Variants in FAT3 observed in about 807,000 individuals in gnomAD.
The protein encoded by FAT3 is FAT atypical cadherin 3, also known as protocadherin Fat 3.
Under a neutral mutation model 310.2 loss-of-function variants are expected in FAT3, and 95 were observed. That is an observed-to-expected ratio of 0.31 (90% confidence interval 0.26 to 0.36). The LOEUF is 0.36. FAT3 is among the 10% of genes least tolerant of loss of function. The pLI, the probability that FAT3 is intolerant of heterozygous loss-of-function variation, is 1.00. For missense variants in FAT3, 5,408 were observed against 5,715.6 expected (o/e 0.95, Z 1.74); for synonymous variants, 2,314 against 2,192.9 (o/e 1.06, Z -1.54).
rs569829578 is a variant in FAT3 at position 92,591,790 on chromosome 11, A to G, written c.3607+66842A>G. Among the ~76,000 whole-genome samples the G allele has an allele frequency of 4.6e-5, 7 of 152,304 alleles. No individual in the cohort carries two copies. In the South Asian group the frequency reaches 1.2e-3, roughly 27 times the overall value. On this transcript the variant is annotated intron_variant, in intron 3 of 27. Coordinates refer to ENST00000525166, the MANE Select transcript of FAT3 (RefSeq NM_001367949.2). Reference sequence around the variant, plus strand: ...ATAGCAAGAATCTAGCTTTTGACATACGAATTGTTGCAAAGAAAAATGAAC... The same window carrying G: ...ATAGCAAGAATCTAGCTTTTGACATGCGAATTGTTGCAAAGAAAAATGAAC...
chr11:92,881,827 A>T (rs1949675933), intron 23 of FAT3, among the ~76,000 whole-genome samples: 1 of 152,234 alleles, frequency 6.6e-6, no homozygotes, highest in Non-Finnish European at 1.5e-5. Flanking sequence ...TGCTTTAAAG[A>T]GAATAAAATT....
At chr11:92,377,971 GT>G (rs1245980354) in intron 2 of FAT3, among the ~76,000 whole-genome samples, 2 of 152,112 alleles carry the variant, frequency 1.3e-5, no homozygotes, top group African/African-American at 4.8e-5. Context: ...AATAATGTAT[GT>G]TTTGATGAAC....
At chr11:92,779,702 T>C (rs1156635651) in intron 7 of FAT3, among the ~76,000 whole-genome samples, 1 of 152,206 alleles carries the variant, frequency 6.6e-6, no homozygotes, top group Admixed American at 6.5e-5. Context: ...TTATGTTACA[T>C]GGCAAATGGG....
At chr11:92,672,419 A>G (rs1013538092) in intron 3 of FAT3, among the ~76,000 whole-genome samples, 2 of 152,146 alleles carry the variant, frequency 1.3e-5, no homozygotes, top group Non-Finnish European at 2.9e-5. Context: ...AGACATTGAA[A>G]ATGTTGAAGT....
At chr11:92,640,303 A>C (rs2135725891) in intron 3 of FAT3, among the ~76,000 whole-genome samples, 1 of 152,214 alleles carries the variant, frequency 6.6e-6, no homozygotes, top group East Asian at 1.9e-4. Context: ...TGTGAGAACC[A>C]CCAGCCAGGG....
intron 2 of FAT3, among the ~76,000 whole-genome samples, chr11:92,359,085 CG>C (rs1411830242): frequency 1.3e-5 from 2 of 152,100 alleles, no homozygotes; most frequent in Non-Finnish European, 2.9e-5. Flanking sequence ...TCCCAATTAT[CG>C]TCATTCAGTA....
chr11:92,277,615 A>G (rs1565196184), intron 1 of FAT3, among the ~76,000 whole-genome samples: 1 of 152,132 alleles, frequency 6.6e-6, no homozygotes, highest in Non-Finnish European at 1.5e-5. Context: ...GTAAAAAACC[A>G]AATACGGAAT....
At chr11:92,500,222 A>T (rs1453557279) in intron 2 of FAT3, among the ~76,000 whole-genome samples, 2 of 152,026 alleles carry the variant, frequency 1.3e-5, no homozygotes, top group African/African-American at 4.8e-5. Context: ...CCCTTTAAGG[A>T]TGAATTCCAA....
intron 2 of FAT3, among the ~76,000 whole-genome samples, chr11:92,477,394 A>T (rs1476744068): frequency 6.6e-6 from 1 of 152,234 alleles, no homozygotes; most frequent in Admixed American, 6.5e-5. Flanking sequence ...GTACAAAATG[A>T]TATATGCAAT....
chr11:92,549,468 C>T (rs187104748), intron 3 of FAT3, among the ~76,000 whole-genome samples: 4 of 152,278 alleles, frequency 2.6e-5, no homozygotes, highest in Admixed American at 1.3e-4. Flanking sequence ...CTCTCCTCTT[C>T]GGTTACATGG....
chr11:92,361,249 G>A (rs114060374), intron 2 of FAT3, among the ~76,000 whole-genome samples: 2,520 of 152,216 alleles, frequency 0.017, 82 homozygotes, highest in African/African-American at 0.057. Context: ...GCCTCTTAAA[G>A]TATCTATTCA....
Position 92,438,409 on chromosome 11 carries a change from T to C in FAT3, c.3292+83005T>C, listed in dbSNP as rs376979307. On this transcript the variant is annotated intron_variant, in intron 2 of 27. Coordinates refer to ENST00000525166, the MANE Select transcript of FAT3 (RefSeq NM_001367949.2). ...TAAACAATAGTTATCCTTGGGTGGT[T>C]GTGTCACAGAGGATTCTTTTTATTG... Among the ~76,000 whole-genome samples the C allele has an allele frequency of 2.0e-5, 3 of 152,334 alleles. No homozygotes were observed. In the East Asian group the frequency reaches 5.8e-4, roughly 29 times the overall value.
intron 4 of FAT3, among the ~76,000 whole-genome samples, chr11:92,701,910 T>C (rs968280056): frequency 7.2e-5 from 11 of 152,152 alleles, no homozygotes; most frequent in African/African-American, 2.7e-4. Flanking sequence ...TCTTTCCTTG[T>C]TTTTTACCTA....
chr11:92,358,332 C>T (rs1208705141), intron 2 of FAT3, among the ~76,000 whole-genome samples: 1 of 152,196 alleles, frequency 6.6e-6, no homozygotes, highest in Admixed American at 6.6e-5. Flanking sequence ...TATAAGGTCA[C>T]ATAGGCTTTA....
chr11:92,532,784 T>G (rs1954125001), intron 3 of FAT3, among the ~76,000 whole-genome samples: 1 of 152,188 alleles, frequency 6.6e-6, no homozygotes, highest in Admixed American at 6.5e-5. Context: ...CTGTTCCTGC[T>G]TAATGCCAGC....
intron 1 of FAT3, among the ~76,000 whole-genome samples, chr11:92,341,086 G>A (rs886095806): frequency 2.6e-5 from 4 of 152,352 alleles, no homozygotes; most frequent in Non-Finnish European, 5.9e-5. Context: ...CCTTGGGATA[G>A]TAACCCTGTC....
chr11:92,706,592 T>C lies in FAT3; in HGVS notation c.3669+9147T>C, dbSNP rs138901936. Among the ~76,000 whole-genome samples, 214 of 152,290 alleles carry C rather than the reference T, an allele frequency of 1.4e-3. 1 individual carries two copies. The highest frequency in any genetic ancestry group is 5.0e-3 in the African/African-American group (206 of 41,552). On this transcript the variant is annotated intron_variant, in intron 4 of 27. Coordinates refer to ENST00000525166, the MANE Select transcript of FAT3 (RefSeq NM_001367949.2). ...TCTATATTACATGTTGACAACTCCA[T>C]CATTTTTTTTAAAACACTGTCAGCC...
Position 92,678,730 on chromosome 11 carries a change from A to G in FAT3, c.3608-18654A>G, listed in dbSNP as rs538644743. Among the ~76,000 whole-genome samples, 28 of 152,314 alleles carry G rather than the reference A, an allele frequency of 1.8e-4. 3 individuals are homozygous for G. The South Asian group carries it at 5.8e-3, about 32-fold the overall frequency. ...ATTCCAAGCTCTCCATGTTCAATTAATAATTTAATTGCTTAGTAATTTACA... is the reference window on the plus strand; with the variant it reads ...ATTCCAAGCTCTCCATGTTCAATTAGTAATTTAATTGCTTAGTAATTTACA... On this transcript the variant is annotated intron_variant, in intron 3 of 27. Coordinates refer to ENST00000525166, the MANE Select transcript of FAT3 (RefSeq NM_001367949.2).
chr11:92,797,391 C>A (rs1012352504), intron 9 of FAT3, among the ~76,000 whole-genome samples: 1 of 152,178 alleles, frequency 6.6e-6, no homozygotes, highest in Non-Finnish European at 1.5e-5. Context: ...TTCCCACAAC[C>A]CTCTTTCTTT....
Sources: gnomAD v4.1 joint callset for allele counts (sites outside exome capture counted in the v4.1 genomes callset) on GRCh38, gnomAD v4.1.1 for gene constraint, MANE v1.5 for transcripts, NCBI Gene and HGNC (gene_info 2026-07-23, HGNC 2026-07-21) for gene names.